Variants in GPR158 observed in about 807,000 individuals in gnomAD.
The protein encoded by GPR158 is G protein-coupled receptor 158, also known as metabotropic glycine receptor.
GPR158 carries 30 observed loss-of-function variants against 78.2 expected under a neutral mutation model. That is an observed-to-expected ratio of 0.38 (90% CI 0.29 to 0.52). The LOEUF (loss-of-function observed/expected upper bound fraction) is 0.52. Ranked by LOEUF, GPR158 falls within the 20% of genes least tolerant of loss-of-function variation. The probability of loss-of-function intolerance (pLI) is 0.83; values close to 1 mark genes in which losing one functional copy is unlikely to be tolerated. For synonymous variants in GPR158, 581 were observed against 591.1 expected (o/e 0.98, Z 0.25); for missense variants, 1,463 against 1,523.5 (o/e 0.96, Z 0.66).
At chr10:25,501,020 G>A (rs993930674) in intron 5 of GPR158, among the ~76,000 whole-genome samples, 3 of 152,112 alleles carry the variant, frequency 2.0e-5, no homozygotes, top group Admixed American at 6.5e-5. Flanking sequence ...TCAGCCTATC[G>A]TACGCGTAAA....
chr10:25,599,360 T>A lies in GPR158; in HGVS notation c.*86T>A. On this transcript the variant is annotated 3_prime_UTR_variant, in exon 11 of 11. Transcript: ENST00000376351. Reference sequence around the variant, plus strand: ...AAGAATCAAATATTCCCAAGGAGGATTTGTCAATCAAGGAAAACATGACAG... The same window carrying A: ...AAGAATCAAATATTCCCAAGGAGGAATTGTCAATCAAGGAAAACATGACAG... 9.3e-7 allele frequency: 1 copy of A among 1,072,134 alleles called. No individual in the cohort carries two copies. The highest frequency in any genetic ancestry group is 2.3e-5 in the Admixed American group (1 of 42,598). 66.4% of individuals were successfully genotyped at this position (1,072,134 alleles called of 1,614,324 possible).
intron 7 of GPR158, among the ~76,000 whole-genome samples, chr10:25,573,766 A>G (rs1837046809): frequency 6.6e-6 from 1 of 152,078 alleles, no homozygotes; most frequent in Non-Finnish European, 1.5e-5. Context: ...TTGGCTAAAT[A>G]GTCTTTTGCT....
intron 7 of GPR158, among the ~76,000 whole-genome samples, chr10:25,576,662 C>CAGTT (rs1837101100): frequency 6.6e-6 from 1 of 151,966 alleles, no homozygotes; most frequent in South Asian, 2.1e-4. Context: ...AACCAGGTCT[C>CAGTT]AGTTAAAGAG....
chr10:25,402,775 A>C (rs2130537693), intron 3 of GPR158, among the ~76,000 whole-genome samples: 1 of 151,908 alleles, frequency 6.6e-6, no homozygotes, highest in Admixed American at 6.6e-5. Context: ...TCTAACTTTC[A>C]GAATATCTGT....
intron 7 of GPR158, among the ~76,000 whole-genome samples, chr10:25,585,407 G>T (rs1837254234): frequency 6.6e-6 from 1 of 152,172 alleles, no homozygotes; most frequent in Non-Finnish European, 1.5e-5. Context: ...ATAACTAGTT[G>T]GGATGGGTGT....
At chr10:25,563,178 A>C (rs972207220) in intron 6 of GPR158, among the ~76,000 whole-genome samples, 5 of 152,152 alleles carry the variant, frequency 3.3e-5, no homozygotes, top group Admixed American at 6.5e-5. Flanking sequence ...CTCTTATAGA[A>C]AACATATAGT....
At chr10:25,411,348 T>G (rs1834581738) in intron 3 of GPR158, among the ~76,000 whole-genome samples, 1 of 152,172 alleles carries the variant, frequency 6.6e-6, no homozygotes, top group South Asian at 2.1e-4. Context: ...GGGCAAAGGA[T>G]GCACCATCAT....
chr10:25,234,725 T>C (rs751272078), intron 2 of GPR158, among the ~76,000 whole-genome samples: 4 of 152,220 alleles, frequency 2.6e-5, no homozygotes, highest in Non-Finnish European at 4.4e-5. Context: ...TAGTATTTGG[T>C]TACCAGTTAG....
chr10:25,548,837 A>G (rs1031649013), intron 5 of GPR158, among the ~76,000 whole-genome samples: 4 of 152,114 alleles, frequency 2.6e-5, no homozygotes, highest in Non-Finnish European at 5.9e-5. Context: ...ATGCTGAAAA[A>G]TATTGTTATT....
intron 5 of GPR158, among the ~76,000 whole-genome samples, chr10:25,549,234 A>G (rs375421382): frequency 2.3e-4 from 35 of 152,158 alleles, no homozygotes; most frequent in African/African-American, 8.2e-4. Flanking sequence ...CTCCCCACAT[A>G]CCTCAATCTT....
intron 4 of GPR158, among the ~76,000 whole-genome samples, chr10:25,418,320 T>C (rs1279837746): frequency 6.6e-6 from 1 of 152,208 alleles, no homozygotes; most frequent in Non-Finnish European, 1.5e-5. Context: ...TGGTTTAACA[T>C]TTTATCATTT....
At chr10:25,428,290 T>C (rs1182190805) in intron 4 of GPR158, among the ~76,000 whole-genome samples, 2 of 152,098 alleles carry the variant, frequency 1.3e-5, no homozygotes, top group Non-Finnish European at 2.9e-5. Flanking sequence ...TCTGCTGATA[T>C]TCATTTTCTT....
chr10:25,423,844 T>C (rs998706815), intron 4 of GPR158, among the ~76,000 whole-genome samples: 1 of 152,348 alleles, frequency 6.6e-6, no homozygotes, highest in Non-Finnish European at 1.5e-5. Flanking sequence ...ACAATAAACA[T>C]ACGTGTGCAT....
intron 3 of GPR158, among the ~76,000 whole-genome samples, chr10:25,404,367 G>C (rs540247490): frequency 2.0e-5 from 3 of 152,058 alleles, no homozygotes; most frequent in African/African-American, 7.2e-5. Flanking sequence ...TTTGCCATTT[G>C]TGAATTGATC....
chr10:25,302,238 A>ATTTTTT (rs58156960), intron 2 of GPR158, among the ~76,000 whole-genome samples: 1 of 133,940 alleles, frequency 7.5e-6, no homozygotes, highest in Non-Finnish European at 1.6e-5. Context: ...TGCCTGGCTA[A>ATTTTTT]TTTTTTTTTT....
chr10:25,253,191 C>A (rs1480370651), intron 2 of GPR158, among the ~76,000 whole-genome samples: 3 of 152,360 alleles, frequency 2.0e-5, no homozygotes, highest in Non-Finnish European at 4.4e-5. Context: ...GTGCGCGCAC[C>A]CACTGGCCTG....
chr10:25,586,391 ATTT>A (rs71399977), intron 7 of GPR158, among the ~76,000 whole-genome samples: 1,605 of 70,228 alleles, frequency 0.023, 20 homozygotes, highest in African/African-American at 0.075. Flanking sequence ...GTATGTGTGA[ATTT>A]TTTTTTTTTT....
intron 4 of GPR158, among the ~76,000 whole-genome samples, chr10:25,450,302 A>T (rs1310986251): frequency 1.3e-5 from 2 of 151,110 alleles, no homozygotes; most frequent in African/African-American, 4.9e-5. Context: ...GGAAGAGCTG[A>T]GGGGCAAGCC....
Position 25,549,508 on chromosome 10 carries a change from T to C in GPR158, c.1405-1468T>C, listed in dbSNP as rs191703166. The stretch of plus-strand genomic sequence containing the variant: ...GACATTTTTCTGGTAGATTAAATCC[T>C]GAAGGAAAATATTTATCTGTATCTT... On this transcript the variant is annotated intron_variant, in intron 5 of 10. Transcript: ENST00000376351. 1.6e-3 allele frequency among the ~76,000 whole-genome samples: 249 copies of C among 152,274 alleles called. 1 individual carries two copies. Among genetic ancestry groups the C allele is most frequent in the African/African-American group, 5.8e-3 (242 of 41,568 alleles).
Sources: allele counts gnomAD v4.1 joint callset (sites outside exome capture counted in the v4.1 genomes callset), GRCh38; gene constraint gnomAD v4.1.1; transcripts MANE v1.5; gene names NCBI Gene and HGNC (gene_info 2026-07-23, HGNC 2026-07-21).